Variants in PTPRN2 observed in about 807,000 individuals in gnomAD.
PTPRN2 encodes the protein protein tyrosine phosphatase receptor type N2.
A neutral mutation model predicts 118.8 loss-of-function variants in PTPRN2; 74 were observed. The ratio of observed to expected loss-of-function variants is 0.62; its 90% CI spans 0.52 to 0.76. The LOEUF is 0.76. Among genes scored for constraint, PTPRN2 ranks in the 30% least tolerant of loss-of-function variants. The probability of loss-of-function intolerance (pLI) is 0.00; values close to 1 mark genes in which losing one functional copy is unlikely to be tolerated. For missense variants in PTPRN2, 1,481 were observed against 1,394.4 expected (o/e 1.06, Z -0.99); for synonymous variants, 641 against 608.0 (o/e 1.05, Z -0.80).
At chr7:158,290,935 T>G (rs1329967683) in intron 3 of PTPRN2, among the ~76,000 whole-genome samples, 1 of 152,202 alleles carries the variant, frequency 6.6e-6, no homozygotes, top group Non-Finnish European at 1.5e-5. Flanking sequence ...ACTATGTGAC[T>G]CTCTTTAAAA....
chr7:158,429,305 C>T (rs1815987045), intron 2 of PTPRN2, among the ~76,000 whole-genome samples: 1 of 152,186 alleles, frequency 6.6e-6, no homozygotes, highest in Non-Finnish European at 1.5e-5. Context: ...AGATCCACAG[C>T]CGGCACAAAG....
intron 10 of PTPRN2, among the ~76,000 whole-genome samples, chr7:158,098,741 C>T (rs1426098270): frequency 1.3e-5 from 2 of 151,998 alleles, no homozygotes; most frequent in African/African-American, 2.4e-5. Context: ...CTCGTGAACG[C>T]GGGACGCTCC....
In PTPRN2 at chr7:158,114,659, C is replaced by T. The variant is rs376259316; in HGVS notation, c.1557-3744G>A. On this transcript the variant is annotated intron_variant, in intron 9 of 22. Coordinates refer to ENST00000389418, the MANE Select transcript of PTPRN2 (RefSeq NM_002847.5). ...GGCAGGAACAACGGTAAAGAATATGCATTAAAAAACCCATGGCAAACCCCA... is the reference window on the plus strand; with the variant it reads ...GGCAGGAACAACGGTAAAGAATATGTATTAAAAAACCCATGGCAAACCCCA... Among the ~76,000 whole-genome samples the T allele has an allele frequency of 6.6e-5, 10 of 152,248 alleles. No homozygotes were observed. The South Asian group carries it at 2.1e-3, about 32-fold the overall frequency.
In PTPRN2 at chr7:157,898,715, C is replaced by G. The variant is rs760086016; in HGVS notation, c.1746G>C (p.Glu582Asp). 1 of 1,608,338 alleles carries G rather than the reference C, an allele frequency of 6.2e-7. No homozygotes were observed. The highest frequency in any genetic ancestry group is 8.5e-7 in the Non-Finnish European group (1 of 1,174,622). Residue 582 changes from glutamate (E) to aspartate (D), a missense_variant, in exon 12 of 23, where the codon GAG becomes GAC. Glu to Asp is a conservative substitution (Grantham distance 45). This residue lies in a region of PTPRN2 where 1,115 missense variants were observed against 994.2 expected (regional missense o/e 1.12). Coordinates refer to ENST00000389418, the MANE Select transcript of PTPRN2 (RefSeq NM_002847.5). Reference protein sequence around the residue: ...KATVDNKDKLEETSGLKILQT... With the variant: ...KATVDNKDKLDETSGLKILQT... ...GAAGAATTTTCAGTCCAGAGGTTTC[C>G]TCCAGTTTGTCTTTGTTGTCAACTG...
At chr7:157,943,663 G>C (rs1426784220) in intron 11 of PTPRN2, among the ~76,000 whole-genome samples, 1 of 151,002 alleles carries the variant, frequency 6.6e-6, no homozygotes, top group East Asian at 2.0e-4. Context: ...CCACCCCCAG[G>C]ATACTGAAGT....
At chr7:158,073,571 T>C (rs1812106745) in intron 11 of PTPRN2, among the ~76,000 whole-genome samples, 1 of 152,192 alleles carries the variant, frequency 6.6e-6, no homozygotes, top group Non-Finnish European at 1.5e-5. Flanking sequence ...CTACCCTTTC[T>C]ATGCGGAGAT....
chr7:158,549,596 G>A (rs560824752), intron 1 of PTPRN2, among the ~76,000 whole-genome samples: 15 of 152,394 alleles, frequency 9.8e-5, no homozygotes, highest in African/African-American at 3.1e-4. Context: ...CTGAGCGCTC[G>A]CTAGGGTGGA....
At chr7:158,155,745 TCACCATCAC>T (rs199606550) in intron 6 of PTPRN2, among the ~76,000 whole-genome samples, 92,399 of 143,114 alleles carry the variant, frequency 0.65, 29,272 homozygotes, top group East Asian at 0.78. Context: ...ATCACCATCA[TCACCATCAC>T]CATCATCATC....
intron 14 of PTPRN2, among the ~76,000 whole-genome samples, chr7:157,645,481 C>T (rs145176118): frequency 4.3e-4 from 66 of 152,316 alleles, no homozygotes; most frequent in African/African-American, 1.4e-3. Flanking sequence ...AATAAGCATC[C>T]GCGATGACTC....
At chr7:158,395,282 AGTGAGGGGTGAGGG>A (rs71960689) in intron 2 of PTPRN2, among the ~76,000 whole-genome samples, 8 of 103,266 alleles carry the variant, frequency 7.7e-5, no homozygotes, top group African/African-American at 1.2e-4. Context: ...TCCCTGCACA[AGTGAGGGGTGAGGG>A]GTGAGGGGCG....
In PTPRN2 at chr7:158,407,249, CGTCCTGGGTCCTGGGTCCTGG is replaced by C. The variant is rs1813605123; in HGVS notation, c.163+82465_163+82485del. Among the ~76,000 whole-genome samples, 22 of 20,924 alleles carry C rather than the reference CGTCCTGGGTCCTGGGTCCTGG, an allele frequency of 1.1e-3. 3 individuals are homozygous for C. Among genetic ancestry groups the C allele is most frequent in the South Asian group, 2.2e-3 (1 of 446 alleles). The allele number at this position is 20,924 out of a possible 152,430, so 13.7% of individuals were successfully genotyped here. The stretch of plus-strand genomic sequence containing the variant: ...CCTGGGTCCTGGGTCCTGGGTCCTG[CGTCCTGGGTCCTGGGTCCTGG>C]GTCCTGGGTCCTGGGTCCTGGGTCC... On this transcript the variant is annotated intron_variant, in intron 2 of 22. Coordinates refer to ENST00000389418, the MANE Select transcript of PTPRN2 (RefSeq NM_002847.5).
intron 1 of PTPRN2, among the ~76,000 whole-genome samples, chr7:158,556,758 A>AGCAGGTTGCTCCCAC (rs1827029597): frequency 1.0e-5 from 1 of 96,952 alleles, no homozygotes; most frequent in Non-Finnish European, 2.1e-5. Flanking sequence ...GCGGCTCCCG[A>AGCAGGTTGCTCCCAC]GCAGGTTGCT....
Position 158,134,064 on chromosome 7 carries a change from C to A in PTPRN2, c.1174-5G>T. 3 of 1,609,908 alleles carry A rather than the reference C, an allele frequency of 1.9e-6. No individual in the cohort carries two copies. The highest frequency in any genetic ancestry group is 2.5e-6 in the Non-Finnish European group (3 of 1,177,608). ...TGTGGCACTCAGACGATGGACCTGA[C>A]AGAGAGGACATTCCGTGAGGGACGT... On this transcript the variant is annotated splice_region_variant and splice_polypyrimidine_tract_variant and intron_variant, in intron 8 of 22. Transcript: ENST00000389418.
chr7:158,201,297 T>C (rs960792555), intron 4 of PTPRN2, among the ~76,000 whole-genome samples: 3 of 152,204 alleles, frequency 2.0e-5, no homozygotes, highest in Non-Finnish European at 4.4e-5. Context: ...CTCTGATTTT[T>C]TCTCTTGTCC....
At chr7:158,227,008 C>G (rs1828838262) in intron 3 of PTPRN2, among the ~76,000 whole-genome samples, 1 of 151,984 alleles carries the variant, frequency 6.6e-6, no homozygotes, top group Non-Finnish European at 1.5e-5. Context: ...GACTGACTGC[C>G]AAGCTAGGCT....
intron 1 of PTPRN2, among the ~76,000 whole-genome samples, chr7:158,561,827 C>T (rs1037348026): frequency 6.6e-6 from 1 of 152,188 alleles, no homozygotes; most frequent in African/African-American, 2.4e-5. Context: ...GTGCCACCCC[C>T]CACAGTAGCA....
intron 2 of PTPRN2, among the ~76,000 whole-genome samples, chr7:158,325,793 C>T (rs529461926): frequency 9.3e-4 from 141 of 152,336 alleles, no homozygotes; most frequent in Middle Eastern, 6.8e-3. Context: ...GGGACTGCGA[C>T]CATTTCTAGA....
chr7:158,154,190 C>T (rs559125500), intron 6 of PTPRN2, among the ~76,000 whole-genome samples: 264 of 152,278 alleles, frequency 1.7e-3, no homozygotes, highest in African/African-American at 5.9e-3. Context: ...GAAAAGGCAG[C>T]GTAACGCAGA....
chr7:157,588,403 C>T (rs562216360), intron 17 of PTPRN2, among the ~76,000 whole-genome samples: 1 of 152,304 alleles, frequency 6.6e-6, no homozygotes, highest in South Asian at 2.1e-4. Context: ...TCCCCTGCCT[C>T]CCCGGCAGTC....
Sources: allele counts gnomAD v4.1 joint callset (sites outside exome capture counted in the v4.1 genomes callset), GRCh38; gene constraint gnomAD v4.1.1; regional missense constraint gnomAD v4.1.1; transcripts MANE v1.5; gene names NCBI Gene and HGNC (gene_info 2026-07-23, HGNC 2026-07-21).